Variants in SAMD3 observed in about 807,000 individuals in gnomAD.
SAMD3 encodes sterile alpha motif domain containing 3, also known as sterile alpha motif domain-containing protein 3.
In SAMD3, 63 loss-of-function variants were observed where a neutral mutation model predicts 58.5. That is an observed-to-expected ratio of 1.08 (90% CI 0.88 to 1.33). The LOEUF (loss-of-function observed/expected upper bound fraction) is 1.33, where lower values mean the gene tolerates loss of function less well. Ranked by LOEUF, SAMD3 falls within the 40% of genes most tolerant of loss-of-function variation. The pLI is 0.00. For missense variants in SAMD3, 604 were observed against 608.4 expected (o/e 0.99, Z 0.08); for synonymous variants, 220 against 210.3 (o/e 1.05, Z -0.40).
chr6:130,266,570 C>A (rs571753919), intron 2 of SAMD3, among the ~76,000 whole-genome samples: 10 of 151,904 alleles, frequency 6.6e-5, no homozygotes, highest in African/African-American at 2.4e-4. Context: ...GAGTTCAAAC[C>A]ATACTAAAAA....
chr6:130,178,358 T>G, intron 7 of SAMD3, among the ~76,000 whole-genome samples: 1 of 147,078 alleles, frequency 6.8e-6, no homozygotes, highest in Non-Finnish European at 1.5e-5. Flanking sequence ...ATTGAATAGA[T>G]CCCCACAGTG....
At chr6:130,347,881 C>T (rs62432198) in intron 1 of SAMD3, among the ~76,000 whole-genome samples, 5,695 of 152,188 alleles carry the variant, frequency 0.037, 137 homozygotes, top group Non-Finnish European at 0.055. Flanking sequence ...CTGATCTCTC[C>T]GCAGAAACTC....
At chr6:130,305,845 G>A (rs987785658) in intron 2 of SAMD3, among the ~76,000 whole-genome samples, 2 of 152,136 alleles carry the variant, frequency 1.3e-5, no homozygotes, top group Non-Finnish European at 2.9e-5. Flanking sequence ...GTCTGTTTGG[G>A]CTTCTATAAC....
chr6:130,178,267 C>T (rs886890877), intron 7 of SAMD3, among the ~76,000 whole-genome samples: 2 of 125,642 alleles, frequency 1.6e-5, no homozygotes, highest in East Asian at 1.9e-4. Flanking sequence ...TGAGCCACCA[C>T]GCGCCCGGCT....
chr6:130,163,818 C>T (rs1001751955), intron 8 of SAMD3, among the ~76,000 whole-genome samples: 2 of 152,112 alleles, frequency 1.3e-5, no homozygotes, highest in Non-Finnish European at 2.9e-5. Context: ...ATTTGACTCA[C>T]TAGGTAGTTT....
rs542483213 is a variant in SAMD3, at chr6:130,334,431, C to T, written c.-303-21338G>A. Among the ~76,000 whole-genome samples, 190 of 152,248 alleles carry T rather than the reference C, an allele frequency of 1.2e-3. 2 individuals are homozygous for T. Among genetic ancestry groups the T allele is most frequent in the African/African-American group, 4.3e-3 (177 of 41,544 alleles). ...TTCCTGAAAAAAAGGTAGATACCCA[C>T]ATAGTTCACCTCTTTCATTTTACAG... is the stretch of plus-strand genomic sequence containing the variant. On this transcript the variant is annotated intron_variant, in intron 1 of 13. Coordinates refer to the SAMD3 transcript ENST00000368134.
At chr6:130,243,073 T>C (rs986969772) in intron 2 of SAMD3, among the ~76,000 whole-genome samples, 1 of 152,152 alleles carries the variant, frequency 6.6e-6, no homozygotes, top group Non-Finnish European at 1.5e-5. Context: ...CCCAAAGTTG[T>C]TCCCCCGCTA....
intron 2 of SAMD3, among the ~76,000 whole-genome samples, chr6:130,236,308 A>C (rs1412968829): frequency 6.6e-6 from 1 of 152,196 alleles, no homozygotes; most frequent in East Asian, 1.9e-4. Flanking sequence ...TGACAAAGAC[A>C]GCGGAAGTTA....
chr6:130,235,633 G>A (rs558991944), intron 2 of SAMD3, among the ~76,000 whole-genome samples: 1 of 152,214 alleles, frequency 6.6e-6, no homozygotes, highest in Admixed American at 6.5e-5. Flanking sequence ...CAAATTTTAG[G>A]TAAAAAGACA....
chr6:130,190,231 T>C (rs529906021), intron 5 of SAMD3, among the ~76,000 whole-genome samples: 1 of 152,186 alleles, frequency 6.6e-6, no homozygotes, highest in East Asian at 1.9e-4. Flanking sequence ...TAGAACAAAA[T>C]GTCAACGCTC....
At chr6:130,350,454 A>C (rs759243523) in intron 1 of SAMD3, among the ~76,000 whole-genome samples, 3 of 152,158 alleles carry the variant, frequency 2.0e-5, no homozygotes, top group African/African-American at 7.2e-5. Context: ...CCAAATCATG[A>C]GTGAACTCCC....
chr6:130,200,232 GCTATCACCT>G (rs1489387598), intron 5 of SAMD3, among the ~76,000 whole-genome samples: 1 of 151,930 alleles, frequency 6.6e-6, no homozygotes, highest in Non-Finnish European at 1.5e-5. Context: ...GTCTCACAGA[GCTATCACCT>G]CTCAGTCCCT....
intron 1 of SAMD3, among the ~76,000 whole-genome samples, chr6:130,219,188 T>C (rs972922749): frequency 3.3e-5 from 5 of 152,186 alleles, no homozygotes. Flanking sequence ...TATTAATTTT[T>C]TTCATACATC....
chr6:130,233,736 T>C (rs1932111), intron 2 of SAMD3, among the ~76,000 whole-genome samples: 15,410 of 152,280 alleles, frequency 0.1, 1,022 homozygotes, highest in Admixed American at 0.15. Flanking sequence ...GCTGAATTTA[T>C]AAGATGAATC....
At chr6:130,236,949 C>G (rs1773172019) in intron 2 of SAMD3, among the ~76,000 whole-genome samples, 2 of 152,150 alleles carry the variant, frequency 1.3e-5, no homozygotes, top group Admixed American at 6.5e-5. Flanking sequence ...ATTTGCATTT[C>G]ATTGCAATCA....
At chr6:130,163,687 G>A (rs113222830) in intron 8 of SAMD3, among the ~76,000 whole-genome samples, 168 of 152,314 alleles carry the variant, frequency 1.1e-3, no homozygotes, top group African/African-American at 4.0e-3. Flanking sequence ...AGAAACATCT[G>A]TGGAAAAGGC....
At chr6:130,199,942 C>T (rs986106708) in intron 5 of SAMD3, among the ~76,000 whole-genome samples, 4 of 152,006 alleles carry the variant, frequency 2.6e-5, no homozygotes, top group Admixed American at 6.6e-5. Context: ...CATGTGTGAA[C>T]CTATAATCAA....
At chr6:130,226,625 A>T (rs971683232), upstream of SAMD3, among the ~76,000 whole-genome samples, 2 of 152,188 alleles carry the variant, frequency 1.3e-5, no homozygotes, top group Admixed American at 6.5e-5. Context: ...TCAGGAGTTC[A>T]AGACCAGCCT....
intron 1 of SAMD3, among the ~76,000 whole-genome samples, chr6:130,323,467 A>G (rs1776652718): frequency 6.7e-6 from 1 of 150,326 alleles, no homozygotes; most frequent in Admixed American, 6.6e-5. Flanking sequence ...TTGTATGATG[A>G]GTGCTTAGAC....
Sources: gnomAD v4.1 joint callset for allele counts (sites outside exome capture counted in the v4.1 genomes callset) on GRCh38, gnomAD v4.1.1 for gene constraint, MANE v1.5 for transcripts, NCBI Gene and HGNC (gene_info 2026-07-23, HGNC 2026-07-21) for gene names.